The following PRKCE variants were observed in gnomAD, a reference collection of about 807,000 sequenced individuals.
The protein encoded by PRKCE is protein kinase C epsilon, also known as protein kinase C epsilon type.
In PRKCE, 16 loss-of-function variants were observed where a neutral mutation model predicts 85.4. The ratio of observed to expected loss-of-function variants is 0.19; its 90% CI spans 0.13 to 0.28. The LOEUF (loss-of-function observed/expected upper bound fraction) is 0.28, where lower values mean the gene tolerates loss of function less well. Ranked by LOEUF, PRKCE falls within the 10% of genes least tolerant of loss-of-function variation. PRKCE has a pLI of 1.00. For missense variants in PRKCE, 573 were observed against 975.2 expected, an observed-to-expected ratio of 0.59 and a Z score of 5.49; for synonymous variants, 388 against 371.5, an observed-to-expected ratio of 1.04 and a Z score of -0.51.
At chr2:45,660,077 T>C (rs1675567939) in intron 1 of PRKCE, among the ~76,000 whole-genome samples, 3 of 152,208 alleles carry the variant, frequency 2.0e-5, no homozygotes, top group Admixed American at 6.5e-5. Context: ...AATGAATGAA[T>C]GAACACAAAA....
intron 2 of PRKCE, among the ~76,000 whole-genome samples, chr2:45,877,076 CT>C (rs1694531796): frequency 6.8e-6 from 1 of 147,194 alleles, no homozygotes; most frequent in African/African-American, 2.4e-5. Flanking sequence ...ACCTTTTATT[CT>C]TGCATGGTTT....
At chr2:45,726,833 G>T (rs982126477) in intron 1 of PRKCE, among the ~76,000 whole-genome samples, 1 of 152,114 alleles carries the variant, frequency 6.6e-6, no homozygotes, top group East Asian at 1.9e-4. Flanking sequence ...GGGCTTGTAG[G>T]GTGGCTGTAG....
intron 10 of PRKCE, among the ~76,000 whole-genome samples, chr2:46,074,428 C>CCAAAAAAAAAAAAAAAAAAAAAAAAAA (rs1558423487): frequency 3.4e-4 from 9 of 26,654 alleles, no homozygotes; most frequent in East Asian, 1.7e-3. Context: ...ACAACAACAA[C>CCAAAAAAAAAAAAAAAAAAAAAAAAAA]CAAAAAAAAA....
At position 46,138,359 on chromosome 2, in the gene PRKCE, G is replaced by A. The variant is rs1164099752; in HGVS notation, c.1593-6734G>A. 6.6e-6 allele frequency among the ~76,000 whole-genome samples: 1 copy of A among 152,212 alleles called. No individual in the cohort carries two copies. The highest frequency in any genetic ancestry group is 2.4e-5 in the African/African-American group (1 of 41,454). ...CTAATAGGTGGTCACGGGCAGTTAT[G>A]TAGGGTCAGCCCACGCTGCCTCTTA... On this transcript the variant is annotated intron_variant, in intron 11 of 14. Transcript: ENST00000306156. The surrounding 1 kb of genome is among the most constrained non-coding windows in gnomAD (Gnocchi z 4.2).
intron 6 of PRKCE, among the ~76,000 whole-genome samples, chr2:45,995,006 T>G (rs1704104891): frequency 6.6e-6 from 1 of 152,202 alleles, no homozygotes; most frequent in East Asian, 1.9e-4. Context: ...TAGTGGTATC[T>G]CATTGTTTTA....
chr2:45,865,381 A>G (rs1047808523), intron 2 of PRKCE, among the ~76,000 whole-genome samples: 4 of 152,172 alleles, frequency 2.6e-5, no homozygotes, highest in Admixed American at 2.0e-4. Flanking sequence ...GGACATAGGT[A>G]TAGCTCCCCA....
chr2:45,832,367 C>T (rs1690501517), intron 1 of PRKCE, among the ~76,000 whole-genome samples: 1 of 143,634 alleles, frequency 7.0e-6, no homozygotes, highest in Non-Finnish European at 1.5e-5. Flanking sequence ...GGCTGGAGTG[C>T]AGGGAGGCAA....
chr2:46,055,791 T>C (rs982496162), intron 10 of PRKCE, among the ~76,000 whole-genome samples: 2 of 152,140 alleles, frequency 1.3e-5, no homozygotes, highest in African/African-American at 2.4e-5. Flanking sequence ...GCCTCCCTAG[T>C]AGCTGGGACC....
At chr2:45,766,433 T>C (rs1162082631) in intron 1 of PRKCE, among the ~76,000 whole-genome samples, 1 of 152,218 alleles carries the variant, frequency 6.6e-6, no homozygotes, top group Non-Finnish European at 1.5e-5. Context: ...TCTACTCTCT[T>C]CTTTTTTCCC....
intron 1 of PRKCE, among the ~76,000 whole-genome samples, chr2:45,766,069 T>C (rs1032982247): frequency 6.6e-6 from 1 of 152,200 alleles, no homozygotes; most frequent in Non-Finnish European, 1.5e-5. Context: ...GAGATTATTT[T>C]AGGACTCTGG....
intron 1 of PRKCE, among the ~76,000 whole-genome samples, chr2:45,804,094 C>G (rs1688069699): frequency 6.6e-6 from 1 of 152,206 alleles, no homozygotes; most frequent in Admixed American, 6.5e-5. Context: ...GGCCCATCAC[C>G]ACCTCTACAG....
intron 1 of PRKCE, among the ~76,000 whole-genome samples, chr2:45,833,990 G>A (rs1383657573): frequency 6.6e-6 from 1 of 152,192 alleles, no homozygotes; most frequent in Non-Finnish European, 1.5e-5. Flanking sequence ...ACTTTTGGAT[G>A]TTTTCTCAGC....
At chr2:45,829,351 C>T (rs1251424938) in intron 1 of PRKCE, among the ~76,000 whole-genome samples, 1 of 152,132 alleles carries the variant, frequency 6.6e-6, no homozygotes, top group Non-Finnish European at 1.5e-5. Context: ...CTTCAGATGA[C>T]ATATTTTGGA....
chr2:45,706,638 C>A (rs1272243329), intron 1 of PRKCE, among the ~76,000 whole-genome samples: 1 of 152,198 alleles, frequency 6.6e-6, no homozygotes, highest in Non-Finnish European at 1.5e-5. Flanking sequence ...CCAGCAGTAT[C>A]TTCTCTCCTG....
intron 2 of PRKCE, among the ~76,000 whole-genome samples, chr2:45,873,039 C>T (rs1296682498): frequency 2.0e-5 from 3 of 152,194 alleles, no homozygotes; most frequent in Non-Finnish European, 4.4e-5. Context: ...ATTGAGTCAG[C>T]TGGAAAGTCT....
intron 10 of PRKCE, among the ~76,000 whole-genome samples, chr2:46,031,683 A>G (rs1336000801): frequency 6.6e-6 from 1 of 151,436 alleles, no homozygotes; most frequent in Non-Finnish European, 1.5e-5. Context: ...ATGCTCATGC[A>G]TCCTGTGGCA....
intron 10 of PRKCE, among the ~76,000 whole-genome samples, chr2:46,016,844 G>T (rs1574238398): frequency 6.6e-6 from 1 of 151,286 alleles, no homozygotes. Flanking sequence ...AGGAGGCAGA[G>T]GTTGCAGTGA....
intron 2 of PRKCE, among the ~76,000 whole-genome samples, chr2:45,970,588 G>C (rs1702044335): frequency 6.6e-6 from 1 of 152,028 alleles, no homozygotes. Context: ...AGATTAAGAA[G>C]ATATGGCAAC....
At chr2:46,089,868 C>A (rs554961633) in intron 11 of PRKCE, among the ~76,000 whole-genome samples, 3 of 152,266 alleles carry the variant, frequency 2.0e-5, no homozygotes, top group Admixed American at 2.0e-4. Flanking sequence ...TGCCATTATC[C>A]CCCAAATACC....
Sources: gnomAD v4.1 joint callset for allele counts (sites outside exome capture counted in the v4.1 genomes callset) on GRCh38, gnomAD v4.1.1 for gene constraint, Gnocchi (gnomAD v3.1) non-coding constraint, MANE v1.5 for transcripts, NCBI Gene and HGNC (gene_info 2026-07-23, HGNC 2026-07-21) for gene names.